ZNF385D: variants seen among roughly 807,000 people sequenced by gnomAD.
ZNF385D encodes zinc finger protein 385D, also known as zinc finger protein 659.
A neutral mutation model predicts 35.8 loss-of-function variants in ZNF385D; 15 were observed. That is an observed-to-expected ratio of 0.42 (90% CI 0.28 to 0.64). The LOEUF (loss-of-function observed/expected upper bound fraction) is 0.64. Among genes scored for constraint, ZNF385D ranks in the 30% least tolerant of loss-of-function variants. The pLI is 0.23. For missense variants in ZNF385D, 474 were observed against 494.6 expected (o/e 0.96, Z 0.39); for synonymous variants, 212 against 186.8 (o/e 1.13, Z -1.10).
intron 3 of ZNF385D, among the ~76,000 whole-genome samples, chr3:21,984,211 T>G (rs1255771431): frequency 6.9e-6 from 1 of 145,870 alleles, no homozygotes; most frequent in African/African-American, 2.8e-5. Flanking sequence ...TGCCATTGCT[T>G]TTGGTGTTTT....
chr3:21,698,170 C>T (rs1273795799), intron 1 of ZNF385D, among the ~76,000 whole-genome samples: 1 of 152,136 alleles, frequency 6.6e-6, no homozygotes, highest in Non-Finnish European at 1.5e-5. Flanking sequence ...CAGCACTATT[C>T]ACAATAACAA....
chr3:21,596,640 CT>C (rs34205074), intron 2 of ZNF385D, among the ~76,000 whole-genome samples: 44,369 of 134,146 alleles, frequency 0.33, 7,321 homozygotes, highest in Non-Finnish European at 0.41. Context: ...TCATGCTTGA[CT>C]TTTTTTTTTT....
chr3:22,172,352 G>A (rs1032302144), intron 2 of ZNF385D, among the ~76,000 whole-genome samples: 1 of 152,316 alleles, frequency 6.6e-6, no homozygotes, highest in Middle Eastern at 3.4e-3. Context: ...TAATTAAAAT[G>A]TGGCACACAT....
At chr3:22,086,010 T>G (rs1290147344) in intron 3 of ZNF385D, among the ~76,000 whole-genome samples, 2 of 152,204 alleles carry the variant, frequency 1.3e-5, no homozygotes, top group Non-Finnish European at 2.9e-5. Flanking sequence ...CAACACTTCA[T>G]GCTAAAAACT....
At chr3:21,971,309 G>C (rs1235571263) in intron 3 of ZNF385D, among the ~76,000 whole-genome samples, 2 of 151,924 alleles carry the variant, frequency 1.3e-5, no homozygotes, top group Non-Finnish European at 2.9e-5. Context: ...CAAAAAGTTA[G>C]AAAACAGGAT....
At chr3:21,984,238 G>C (rs1427438952) in intron 3 of ZNF385D, among the ~76,000 whole-genome samples, 4 of 146,478 alleles carry the variant, frequency 2.7e-5, no homozygotes, top group South Asian at 2.1e-4. Flanking sequence ...GAAGTCCTTG[G>C]CCACGCCTAT....
At chr3:21,532,013 T>A (rs1213838919) in intron 3 of ZNF385D, among the ~76,000 whole-genome samples, 1 of 152,160 alleles carries the variant, frequency 6.6e-6, no homozygotes, top group Non-Finnish European at 1.5e-5. Context: ...GAAATCTCTG[T>A]ACCTTCTGCT....
In ZNF385D at chr3:21,747,003, A is replaced by G. The variant is rs924782485; in HGVS notation, c.22+3892T>C. Among the ~76,000 whole-genome samples the G allele has an allele frequency of 3.5e-4, 53 of 151,908 alleles. 1 individual carries two copies. The highest frequency in any genetic ancestry group is 3.4e-3 in the Middle Eastern group (1 of 292). Reference sequence around the variant, plus strand: ...AAATGCGTCTATTATAGGCAGGGGAATAGGGTTCTGTCCTAGAATTTTCCT... The same window carrying G: ...AAATGCGTCTATTATAGGCAGGGGAGTAGGGTTCTGTCCTAGAATTTTCCT... On this transcript the variant is annotated intron_variant, in intron 1 of 7. Coordinates refer to ENST00000281523, the MANE Select transcript of ZNF385D (RefSeq NM_024697.3).
At chr3:21,482,289 ACTGT>A (rs35333234) in intron 4 of ZNF385D, among the ~76,000 whole-genome samples, 25,090 of 151,948 alleles carry the variant, frequency 0.17, 2,249 homozygotes, top group East Asian at 0.35. Context: ...AATCTAATAC[ACTGT>A]CTGTTTTTCT....
intron 3 of ZNF385D, among the ~76,000 whole-genome samples, chr3:21,910,130 C>T (rs565883914): frequency 9.5e-5 from 14 of 147,792 alleles, no homozygotes; most frequent in African/African-American, 3.4e-4. Context: ...TTCCTTCTTT[C>T]TAGACCATCT....
chr3:22,209,559 C>T (rs1274693968), intron 2 of ZNF385D, among the ~76,000 whole-genome samples: 4 of 151,818 alleles, frequency 2.6e-5, no homozygotes, highest in Non-Finnish European at 4.4e-5. Flanking sequence ...AAGCAAACCA[C>T]TTATTTTTGT....
intron 4 of ZNF385D, among the ~76,000 whole-genome samples, chr3:21,495,026 G>A (rs1705719511): frequency 1.3e-5 from 2 of 152,026 alleles, no homozygotes; most frequent in Non-Finnish European, 2.9e-5. Context: ...TATATTTTGT[G>A]TACCATCCAG....
chr3:21,829,803 G>A (rs1048361714), intron 3 of ZNF385D, among the ~76,000 whole-genome samples: 5 of 151,740 alleles, frequency 3.3e-5, no homozygotes, highest in African/African-American at 1.2e-4. Flanking sequence ...AATGGCAAAA[G>A]CTGTAATTAC....
At chr3:21,599,378 G>A (rs1263373075) in intron 2 of ZNF385D, among the ~76,000 whole-genome samples, 3 of 152,096 alleles carry the variant, frequency 2.0e-5, no homozygotes, top group East Asian at 1.9e-4. Flanking sequence ...AACATTAAAC[G>A]TAAATAATTT....
intron 3 of ZNF385D, among the ~76,000 whole-genome samples, chr3:22,110,640 G>A (rs1702471464): frequency 6.6e-6 from 1 of 151,966 alleles, no homozygotes; most frequent in Non-Finnish European, 1.5e-5. Flanking sequence ...GCCTGTTGTG[G>A]GGTGGGGGGA....
At chr3:21,886,930 A>G (rs1455108967) in intron 3 of ZNF385D, among the ~76,000 whole-genome samples, 2 of 152,124 alleles carry the variant, frequency 1.3e-5, no homozygotes, top group South Asian at 2.1e-4. Flanking sequence ...GGGTCGGCCA[A>G]ATGACTAGAA....
At chr3:21,933,052 C>G (rs887188672) in intron 3 of ZNF385D, among the ~76,000 whole-genome samples, 1 of 152,166 alleles carries the variant, frequency 6.6e-6, no homozygotes, top group East Asian at 1.9e-4. Context: ...CAGCGGAAAA[C>G]TTCCTGAATC....
In ZNF385D at chr3:21,464,005, A is replaced by G. The variant is rs542966333; in HGVS notation, c.440-26802T>C. Among the ~76,000 whole-genome samples the G allele has an allele frequency of 3.3e-5, 5 of 152,250 alleles. No homozygotes were observed. The East Asian group carries it at 9.7e-4, about 29-fold the overall frequency. On this transcript the variant is annotated intron_variant, in intron 4 of 7. Transcript: ENST00000281523. Reference sequence around the variant, plus strand: ...AACACATGAAACAAAGCAATTAATGAAGTTCACTCAGCTGAGGTAAATGCT... The same window carrying G: ...AACACATGAAACAAAGCAATTAATGGAGTTCACTCAGCTGAGGTAAATGCT...
intron 2 of ZNF385D, among the ~76,000 whole-genome samples, chr3:22,218,607 T>C (rs1049374423): frequency 6.6e-6 from 1 of 152,154 alleles, no homozygotes; most frequent in Non-Finnish European, 1.5e-5. Flanking sequence ...AGCACAACAT[T>C]GAACAGAATA....
Sources: gnomAD v4.1 joint callset for allele counts (sites outside exome capture counted in the v4.1 genomes callset) on GRCh38, gnomAD v4.1.1 for gene constraint, MANE v1.5 for transcripts, NCBI Gene and HGNC (gene_info 2026-07-23, HGNC 2026-07-21) for gene names.